The following GPR107 variants were observed in gnomAD, a reference collection of about 807,000 sequenced individuals.
GPR107 encodes G protein-coupled receptor 107.
In GPR107, 31 loss-of-function variants were observed where a neutral mutation model predicts 75.5. The observed-to-expected ratio is 0.41, with a 90% CI of 0.31 to 0.55. The LOEUF is 0.55. GPR107 is among the 20% of genes least tolerant of loss of function. The probability of loss-of-function intolerance (pLI) is 0.26; values close to 1 mark genes in which losing one functional copy is unlikely to be tolerated. For synonymous variants in GPR107, 267 were observed against 251.3 expected (o/e 1.06, Z -0.59); for missense variants, 572 against 665.7 (o/e 0.86, Z 1.55).
Position 130,135,325 on chromosome 9 carries a change from G to T in GPR107, c.*204G>T, listed in dbSNP as rs1588090655. On this transcript the variant is annotated 3_prime_UTR_variant, in exon 18 of 18. Coordinates refer to ENST00000347136, the MANE Select transcript of GPR107 (RefSeq NM_020960.5). ...ATCTGTGGCTGTTTAGAGGCAGCTGGATCCTCTTTCAGGCGGGAATGGGAG... is the reference window on the plus strand; with the variant it reads ...ATCTGTGGCTGTTTAGAGGCAGCTGTATCCTCTTTCAGGCGGGAATGGGAG... The T allele has an allele frequency of 2.8e-5, 12 of 429,806 alleles. No homozygotes were observed. The highest frequency in any genetic ancestry group is 1.2e-4 in the East Asian group (3 of 24,830). The allele number at this position is 429,806 out of a possible 1,614,324, so 26.6% of individuals were successfully genotyped here.
At chr9:130,108,838 G>C (rs1173215504) in intron 14 of GPR107, 20 of 434,572 alleles carry the variant, frequency 4.6e-5, no homozygotes, top group Non-Finnish European at 8.7e-5. Flanking sequence ...GCTTTAAGCA[G>C]GTTCTTTTCA....
At position 130,100,577 on chromosome 9, in the gene GPR107, G is replaced by T. The variant is rs1452480492; in HGVS notation, c.940-52G>T. On this transcript the variant is annotated intron_variant, in intron 10 of 17. Coordinates refer to ENST00000347136, the MANE Select transcript of GPR107 (RefSeq NM_020960.5). ...ATGGGTCCAAGTTAAAAGATTCTTT[G>T]TGGAGCCATGTAGATAATGAGTGAT... 8 of 1,251,094 alleles carry T rather than the reference G, an allele frequency of 6.4e-6. No individual in the cohort carries two copies. In the African/African-American group the frequency reaches 1.0e-4, roughly 16 times the overall value. 77.5% of individuals were successfully genotyped at this position (1,251,094 alleles called of 1,614,324 possible).
intron 15 of GPR107, 28 bp downstream of exon 15, chr9:130,124,992 T>G: frequency 8.9e-7 from 1 of 1,129,552 alleles, no homozygotes; most frequent in Non-Finnish European, 1.3e-6. Context: ...AAATCCTCAA[T>G]CTATAAATAA....
chr9:130,128,532 C>T (rs1831741135), intron 16 of GPR107, 108 bp from the exon 17 acceptor site: 1 of 911,550 alleles, frequency 1.1e-6, no homozygotes, highest in Non-Finnish European at 1.8e-6. Flanking sequence ...AGTAAAGAAC[C>T]ATCGAGTGGT....
At chr9:130,059,314 C>T (rs1589477009) in intron 1 of GPR107, among the ~76,000 whole-genome samples, 1 of 152,192 alleles carries the variant, frequency 6.6e-6, no homozygotes, top group East Asian at 1.9e-4. Context: ...ATGGTAAAAC[C>T]CTGTCTCTAC....
chr9:130,096,179 T>C (rs1830863234), intron 9 of GPR107, among the ~76,000 whole-genome samples: 2 of 152,194 alleles, frequency 1.3e-5, no homozygotes, highest in African/African-American at 4.8e-5. Flanking sequence ...AGCACAGCTC[T>C]TTGTGGTGGG....
intron 6 of GPR107, among the ~76,000 whole-genome samples, chr9:130,086,106 GC>G (rs1830609222): frequency 6.6e-6 from 1 of 152,092 alleles, no homozygotes; most frequent in South Asian, 2.1e-4. Flanking sequence ...ACAGGGCATG[GC>G]CTGGGTCAGC....
chr9:130,058,159 C>T (rs1445568746), intron 1 of GPR107, among the ~76,000 whole-genome samples: 1 of 151,864 alleles, frequency 6.6e-6, no homozygotes, highest in Non-Finnish European at 1.5e-5. Context: ...TTTTTAAAGA[C>T]CTGTCAGCAG....
At chr9:130,111,613 G>A (rs1831304249) in intron 14 of GPR107, among the ~76,000 whole-genome samples, 2 of 152,208 alleles carry the variant, frequency 1.3e-5, no homozygotes, top group South Asian at 4.1e-4. Flanking sequence ...AACTGCAAGT[G>A]AGAGACATGC....
chr9:130,100,536 T>G (rs1054757016), intron 10 of GPR107, 93 bp from the exon 11 acceptor site: 1 of 930,528 alleles, frequency 1.1e-6, no homozygotes, highest in Non-Finnish European at 1.8e-6. Flanking sequence ...TGACAATGAT[T>G]TGGATAATTT....
intron 6 of GPR107, among the ~76,000 whole-genome samples, chr9:130,085,404 GA>G (rs1413439954): frequency 1.3e-5 from 2 of 152,168 alleles, no homozygotes; most frequent in African/African-American, 4.8e-5. Flanking sequence ...CCATGAGGGG[GA>G]CATCTAAATG....
In GPR107 at chr9:130,101,124, C is replaced by A; in HGVS notation, c.1032C>A (p.Leu344=). ...YITHLLKGAL[L]FITIALIGTG... ...CTTCCAGTTTGAAAGGGGCGCTACT[C>A]TTCATCACCATTGCACTCATTGGCA... Residue 344 remains leucine (L), a synonymous_variant, in exon 12 of 18, where the codon CTC becomes CTA. Coordinates refer to ENST00000347136, the MANE Select transcript of GPR107 (RefSeq NM_020960.5). 6.2e-7 allele frequency: 1 copy of A among 1,605,304 alleles called. No homozygotes were observed. Among genetic ancestry groups the A allele is most frequent in the Non-Finnish European group, 8.5e-7 (1 of 1,171,946 alleles).
chr9:130,069,029 C>A (rs772734039), intron 1 of GPR107, among the ~76,000 whole-genome samples: 1 of 152,068 alleles, frequency 6.6e-6, no homozygotes, highest in East Asian at 1.9e-4. Context: ...TGTGAGCCAG[C>A]GTGCCCTGCC....
chr9:130,114,625 G>C lies in GPR107; in HGVS notation c.1306+7086G>C, dbSNP rs1406644089. On this transcript the variant is annotated intron_variant, in intron 14 of 17. Coordinates refer to ENST00000347136, the MANE Select transcript of GPR107 (RefSeq NM_020960.5). ...GATCTTGAACTCCTGGCCTCTAGCT[G>C]TCCTCCTGCCTCAGTCTCCCAAAGG... 8 of 646,284 alleles carry C rather than the reference G, an allele frequency of 1.2e-5. No individual in the cohort carries two copies. Among genetic ancestry groups the C allele is most frequent in the Non-Finnish European group, 1.6e-5 (7 of 426,648 alleles). 40.0% of individuals were successfully genotyped at this position (646,284 alleles called of 1,614,324 possible).
At chr9:130,054,259 G>C (rs550441791) in intron 1 of GPR107, among the ~76,000 whole-genome samples, 186 bp downstream of exon 1, 1 of 152,216 alleles carries the variant, frequency 6.6e-6, no homozygotes, top group South Asian at 2.1e-4. Context: ...GGGTCTTCGG[G>C]CTGACCGGCA....
At position 130,135,212 on chromosome 9, in the gene GPR107, T is replaced by C. The variant is rs1831923397; in HGVS notation, c.*91T>C. On this transcript the variant is annotated 3_prime_UTR_variant, in exon 18 of 18. Transcript: ENST00000347136. ...AGCAGGAGCAGCTCCTACAGTGAACTATTGGCACCACCGACAGTGACACCA... is the reference window on the plus strand; with the variant it reads ...AGCAGGAGCAGCTCCTACAGTGAACCATTGGCACCACCGACAGTGACACCA... The C allele has an allele frequency of 3.1e-6, 2 of 655,024 alleles. No homozygotes were observed. The highest frequency in any genetic ancestry group is 5.2e-6 in the Non-Finnish European group (2 of 384,756). 40.6% of individuals were successfully genotyped at this position (655,024 alleles called of 1,614,324 possible).
intron 12 of GPR107, among the ~76,000 whole-genome samples, chr9:130,102,434 C>T (rs564742676): frequency 6.6e-6 from 1 of 152,296 alleles, no homozygotes; most frequent in Admixed American, 6.5e-5. Context: ...CATAGCCTTC[C>T]AGGAAGCCCG....
chr9:130,085,754 AT>A (rs71387311), intron 6 of GPR107, among the ~76,000 whole-genome samples: 34,139 of 79,238 alleles, frequency 0.43, 8,014 homozygotes, highest in Admixed American at 0.51. Flanking sequence ...CAATATTTTG[AT>A]TTTTTTTTTT....
At chr9:130,126,689 C>T (rs996831219) in intron 15 of GPR107, among the ~76,000 whole-genome samples, 1 of 152,196 alleles carries the variant, frequency 6.6e-6, no homozygotes, top group South Asian at 2.1e-4. Context: ...GGCATTGTCA[C>T]TTCAGACAGT....
Sources: allele counts gnomAD v4.1 joint callset (sites outside exome capture counted in the v4.1 genomes callset), GRCh38; gene constraint gnomAD v4.1.1; transcripts MANE v1.5; gene names NCBI Gene and HGNC (gene_info 2026-07-23, HGNC 2026-07-21).